Variants in NT5DC3 observed in about 807,000 individuals in gnomAD.
NT5DC3 encodes 5'-nucleotidase domain-containing protein 3.
Under a neutral mutation model 67.8 loss-of-function variants are expected in NT5DC3, and 42 were observed. The ratio of observed to expected loss-of-function variants is 0.62; its 90% CI spans 0.48 to 0.80. NT5DC3 has a LOEUF of 0.80. NT5DC3 is among the 30% of genes least tolerant of loss of function. The pLI is 0.00. For synonymous variants in NT5DC3, 237 were observed against 255.6 expected, an observed-to-expected ratio of 0.93 and a Z score of 0.69; for missense variants, 570 against 696.4, an observed-to-expected ratio of 0.82 and a Z score of 2.04.
At chr12:103,746,656 A>G in the NT5DC3 span, 5 of 1,614,022 alleles carry the variant, frequency 3.1e-6, no homozygotes, top group Non-Finnish European at 4.2e-6. Context: ...GGAGAACAAC[A>G]CGTGTGAGTG....
At chr12:103,769,445 A>G (rs141573617), downstream of NT5DC3, among the ~76,000 whole-genome samples, 797 of 152,326 alleles carry the variant, frequency 5.2e-3, 3 homozygotes, top group African/African-American at 0.019. Context: ...CACCAGCGGA[A>G]AACTCCGTCC....
At chr12:103,749,252 T>C in the NT5DC3 span, 3 of 1,309,580 alleles carry the variant, frequency 2.3e-6, no homozygotes, top group Non-Finnish European at 3.1e-6. Flanking sequence ...TCTCCTGGAC[T>C]CTTCCTAAAC....
chr12:103,814,885 G>T lies in NT5DC3; in HGVS notation c.393+52C>A, dbSNP rs373894892. 2.6e-5 allele frequency: 37 copies of T among 1,433,154 alleles called. No homozygotes were observed. In the African/African-American group the frequency reaches 4.8e-4, roughly 19 times the overall value. 88.8% of individuals were successfully genotyped at this position (1,433,154 alleles called of 1,614,324 possible). A position where few individuals can be genotyped will look rare whatever the true frequency, so the allele number is the denominator to read the frequency against. On this transcript the variant is annotated intron_variant, in intron 2 of 13. Transcript: ENST00000392876. ...CTTGGGGTCATGTCAGCTCAAGGCT[G>T]TTCTAAGAGGAAAAGGGGAGGGAGA...
the NT5DC3 span, among the ~76,000 whole-genome samples, chr12:103,756,516 G>C: frequency 5.3e-5 from 8 of 152,206 alleles, no homozygotes; most frequent in Non-Finnish European, 1.0e-4. Flanking sequence ...TCCTGCAACT[G>C]TATAAGGCCA....
intron 2 of NT5DC3, among the ~76,000 whole-genome samples, chr12:103,811,371 T>C (rs1426203172): frequency 6.6e-6 from 1 of 151,976 alleles, no homozygotes; most frequent in Non-Finnish European, 1.5e-5. Context: ...GTTTGGAGGT[T>C]CAAGGAGCAG....
intron 11 of NT5DC3, among the ~76,000 whole-genome samples, chr12:103,786,681 A>AT (rs3036176): frequency 0.095 from 12,620 of 132,416 alleles, 1,166 homozygotes; most frequent in African/African-American, 0.23. Flanking sequence ...CACTGGTTTG[A>AT]TTTTTTTTTT....
the NT5DC3 span, among the ~76,000 whole-genome samples, chr12:103,747,668 C>A: frequency 6.6e-6 from 1 of 152,126 alleles, no homozygotes; most frequent in East Asian, 1.9e-4. Context: ...ATTGGGCAAC[C>A]ATGAACCCAC....
At chr12:103,836,496 A>T (rs1325259550) in intron 1 of NT5DC3, among the ~76,000 whole-genome samples, 2 of 152,100 alleles carry the variant, frequency 1.3e-5, no homozygotes, top group Non-Finnish European at 2.9e-5. Flanking sequence ...CTCCAAAATG[A>T]TCTCCTTTGA....
rs933740062 is a variant in NT5DC3 at position 103,821,319 on chromosome 12, A to C, written c.209-6198T>G. On this transcript the variant is annotated intron_variant, in intron 1 of 13. Transcript: ENST00000392876. ...GCCTAACCTGACTGATAAACCTTCA[A>C]TACCATGATTTTGTTGGGAAACCTC... Among the ~76,000 whole-genome samples, 3 of 152,204 alleles carry C rather than the reference A, an allele frequency of 2.0e-5. No individual in the cohort carries two copies. In the South Asian group the frequency reaches 6.2e-4, roughly 32 times the overall value.
chr12:103,821,484 C>A (rs1326956500), intron 1 of NT5DC3, among the ~76,000 whole-genome samples: 1 of 152,192 alleles, frequency 6.6e-6, no homozygotes, highest in Non-Finnish European at 1.5e-5. Context: ...GACATGGGAT[C>A]CCCTCCAGCC....
chr12:103,780,617 T>C (rs751247382), intron 12 of NT5DC3, among the ~76,000 whole-genome samples: 1 of 152,264 alleles, frequency 6.6e-6, no homozygotes, highest in African/African-American at 2.4e-5. Context: ...TATGAAGTTA[T>C]TAACCTATCA....
At chr12:103,747,798 C>A in the NT5DC3 span, among the ~76,000 whole-genome samples, 1 of 152,036 alleles carries the variant, frequency 6.6e-6, no homozygotes, top group Admixed American at 6.6e-5. Context: ...AGTTTGAAAC[C>A]AGCCTGGCCA....
At chr12:103,804,946 G>A (rs1886734705) in intron 4 of NT5DC3, among the ~76,000 whole-genome samples, 1 of 152,022 alleles carries the variant, frequency 6.6e-6, no homozygotes, top group South Asian at 2.1e-4. Context: ...AGCTCTTTGG[G>A]AGGCTAAAGC....
chr12:103,789,619 T>C (rs1204312620), intron 9 of NT5DC3, among the ~76,000 whole-genome samples: 2 of 152,350 alleles, frequency 1.3e-5, no homozygotes, highest in South Asian at 2.1e-4. Context: ...GAAAAGTTTA[T>C]GGAAATACTG....
intron 1 of NT5DC3, among the ~76,000 whole-genome samples, chr12:103,837,619 A>T (rs1189364640): frequency 6.6e-6 from 1 of 152,228 alleles, no homozygotes; most frequent in African/African-American, 2.4e-5. Flanking sequence ...AAAGTTCCAC[A>T]AATCTCTAGG....
intron 4 of NT5DC3, among the ~76,000 whole-genome samples, chr12:103,799,303 T>C (rs1306082039): frequency 6.6e-6 from 1 of 152,200 alleles, no homozygotes; most frequent in Non-Finnish European, 1.5e-5. Context: ...AAATCTCATC[T>C]TGAATTGTAG....
At chr12:103,765,295 G>C in the NT5DC3 span, among the ~76,000 whole-genome samples, 2 of 152,098 alleles carry the variant, frequency 1.3e-5, no homozygotes, top group Non-Finnish European at 2.9e-5. Flanking sequence ...CCTGAGGCAG[G>C]TGAGAAAGTA....
the NT5DC3 span, chr12:103,762,211 G>C: frequency 2.1e-5 from 33 of 1,596,612 alleles, no homozygotes; most frequent in Non-Finnish European, 2.7e-5. Flanking sequence ...GGGCCACCAA[G>C]GGTTCCCCTT....
intron 1 of NT5DC3, among the ~76,000 whole-genome samples, chr12:103,837,288 C>T (rs1888191439): frequency 6.6e-6 from 1 of 152,218 alleles, no homozygotes; most frequent in Non-Finnish European, 1.5e-5. Flanking sequence ...ACTTTTCCCT[C>T]CTGGGCCTCC....
Sources: gnomAD v4.1 joint callset for allele counts (sites outside exome capture counted in the v4.1 genomes callset) on GRCh38, gnomAD v4.1.1 for gene constraint, MANE v1.5 for transcripts, NCBI Gene and HGNC (gene_info 2026-07-23, HGNC 2026-07-21) for gene names.